Variants in PDE1C observed in about 807,000 individuals in gnomAD.
PDE1C encodes the protein phosphodiesterase 1C.
In PDE1C, 62 loss-of-function variants were observed where a neutral mutation model predicts 93.1. The ratio of observed to expected loss-of-function variants is 0.67; its 90% CI spans 0.54 to 0.82. The LOEUF is 0.82. Ranked by LOEUF, PDE1C falls within the 40% of genes least tolerant of loss-of-function variation. PDE1C has a pLI of 0.00. For missense variants in PDE1C, 742 were observed against 884.6 expected (o/e 0.84, Z 2.04); for synonymous variants, 325 against 310.1 (o/e 1.05, Z -0.50).
intron 16 of PDE1C, among the ~76,000 whole-genome samples, chr7:31,798,884 A>G (rs1380198284): frequency 2.0e-5 from 3 of 151,760 alleles, no homozygotes; most frequent in Non-Finnish European, 4.4e-5. Context: ...TGATAAAATG[A>G]AACATCAACC....
intron 1 of PDE1C, among the ~76,000 whole-genome samples, chr7:32,311,377 C>T (rs186930645): frequency 9.2e-5 from 14 of 152,210 alleles, no homozygotes; most frequent in East Asian, 5.8e-4. Context: ...CAACAGAAAA[C>T]GAGGGAATCC....
At chr7:32,112,472 T>G (rs1798696485) in intron 3 of PDE1C, among the ~76,000 whole-genome samples, 1 of 152,158 alleles carries the variant, frequency 6.6e-6, no homozygotes, top group Non-Finnish European at 1.5e-5. Context: ...TTTTAGTTTG[T>G]TTGTTTGTTT....
intron 2 of PDE1C, among the ~76,000 whole-genome samples, chr7:32,032,259 A>C (rs1790435808): frequency 6.6e-6 from 1 of 152,138 alleles, no homozygotes; most frequent in South Asian, 2.1e-4. Flanking sequence ...TTGGAGGAGG[A>C]GGTGGAGACC....
At chr7:32,171,234 G>A (rs1041625435) in intron 2 of PDE1C, among the ~76,000 whole-genome samples, 1 of 152,018 alleles carries the variant, frequency 6.6e-6, no homozygotes, top group Admixed American at 6.6e-5. Context: ...TAAATAATCA[G>A]TCTAAAACAC....
intron 2 of PDE1C, among the ~76,000 whole-genome samples, chr7:31,907,133 T>C (rs1286025639): frequency 6.6e-6 from 1 of 151,766 alleles, no homozygotes; most frequent in African/African-American, 2.4e-5. Context: ...TTTCAGATGA[T>C]GGGAAATTCT....
intron 2 of PDE1C, among the ~76,000 whole-genome samples, chr7:32,032,300 T>C (rs1031042847): frequency 1.3e-5 from 2 of 152,150 alleles, no homozygotes; most frequent in Non-Finnish European, 2.9e-5. Context: ...CAAACCTACT[T>C]GCCCTTGCCT....
intron 3 of PDE1C, among the ~76,000 whole-genome samples, chr7:32,083,566 G>A (rs1413059802): frequency 1.3e-5 from 2 of 152,128 alleles, no homozygotes; most frequent in Non-Finnish European, 2.9e-5. Context: ...CACCAAAGTT[G>A]AAATGAAGCA....
chr7:31,778,379 T>A (rs1177092424), intron 16 of PDE1C, among the ~76,000 whole-genome samples: 1 of 152,202 alleles, frequency 6.6e-6, no homozygotes, highest in Non-Finnish European at 1.5e-5. Flanking sequence ...ATTTTTTACT[T>A]GTCTCATTTG....
chr7:32,053,972 T>C (rs1044566986), intron 1 of PDE1C, among the ~76,000 whole-genome samples: 2 of 151,562 alleles, frequency 1.3e-5, no homozygotes, highest in African/African-American at 4.9e-5. Flanking sequence ...AATATGGAAG[T>C]ATACAGCAAG....
chr7:32,336,331 A>G (rs1783624236), intron 1 of PDE1C, among the ~76,000 whole-genome samples: 1 of 152,200 alleles, frequency 6.6e-6, no homozygotes, highest in African/African-American at 2.4e-5. Context: ...GCCAGCTCAG[A>G]GTTCAACTTT....
Position 32,088,548 on chromosome 7 carries a change from G to A in PDE1C, c.308+81237C>T, listed in dbSNP as rs559014181. Among the ~76,000 whole-genome samples, 63 of 152,374 alleles carry A rather than the reference G, an allele frequency of 4.1e-4. 1 individual carries two copies. The South Asian group carries it at 0.013, about 31-fold the overall frequency. The stretch of plus-strand genomic sequence containing the variant: ...TGAGGAGGCCCCATTTGGCCGAGCT[G>A]CTGCTAAGCACGGTGCCAAATCAAT... On this transcript the variant is annotated intron_variant, in intron 3 of 18. Transcript: ENST00000396193.
rs35955924 is a variant in PDE1C, at chr7:32,042,249, G to A, written c.128+9305C>T. 5.9e-3 allele frequency among the ~76,000 whole-genome samples: 904 copies of A among 152,274 alleles called. 5 individuals are homozygous for A. Among genetic ancestry groups the A allele is most frequent in the Non-Finnish European group, 7.7e-3 (526 of 68,024 alleles). ...GGGGAGGCAGAGGTTGCAGTGAGCT[G>A]AGATCTTGCCTCTGCACTCCAGCCT... is the stretch of plus-strand genomic sequence containing the variant. On this transcript the variant is annotated intron_variant, in intron 2 of 17. Coordinates refer to ENST00000396191, the MANE Select transcript of PDE1C (RefSeq NM_001191057.4).
chr7:32,396,530 G>A (rs2128094221), intron 1 of PDE1C, among the ~76,000 whole-genome samples: 1 of 150,100 alleles, frequency 6.7e-6, no homozygotes, highest in Non-Finnish European at 1.5e-5. Context: ...TATGGGGGGG[G>A]GGAGTGTTGT....
chr7:31,896,284 G>C (rs1359969524), intron 2 of PDE1C, among the ~76,000 whole-genome samples: 2 of 152,074 alleles, frequency 1.3e-5, no homozygotes, highest in African/African-American at 4.8e-5. Flanking sequence ...GGAATATAGG[G>C]GTAGAAACAG....
At chr7:31,890,362 C>A (rs548442258) in intron 2 of PDE1C, among the ~76,000 whole-genome samples, 1 of 152,260 alleles carries the variant, frequency 6.6e-6, no homozygotes, top group Admixed American at 6.5e-5. Context: ...ATGAGAAGAA[C>A]TAAAAACATC....
At chr7:31,942,925 G>A (rs955105335) in intron 2 of PDE1C, among the ~76,000 whole-genome samples, 1 of 152,078 alleles carries the variant, frequency 6.6e-6, no homozygotes, top group African/African-American at 2.4e-5. Flanking sequence ...TTTAAAAATA[G>A]TACCACATGG....
At chr7:32,250,953 A>G (rs17161076) in intron 1 of PDE1C, among the ~76,000 whole-genome samples, 36,934 of 152,158 alleles carry the variant, frequency 0.24, 4,857 homozygotes, top group African/African-American at 0.33. Flanking sequence ...GCATGATCTA[A>G]TGCCAGATGG....
chr7:32,203,241 C>T (rs1442616378), intron 2 of PDE1C, among the ~76,000 whole-genome samples: 1 of 151,928 alleles, frequency 6.6e-6, no homozygotes. Context: ...TTCTTTTTGT[C>T]TTCATCCATC....
chr7:32,197,987 T>G (rs1804736518), intron 2 of PDE1C, among the ~76,000 whole-genome samples: 1 of 152,226 alleles, frequency 6.6e-6, no homozygotes, highest in South Asian at 2.1e-4. Context: ...CCATTTTTAT[T>G]TTTTAAAACT....
Sources: gnomAD v4.1 joint callset for allele counts (sites outside exome capture counted in the v4.1 genomes callset) on GRCh38, gnomAD v4.1.1 for gene constraint, MANE v1.5 for transcripts, NCBI Gene and HGNC (gene_info 2026-07-23, HGNC 2026-07-21) for gene names.